The following PRPSAP2 variants were observed in gnomAD, a reference collection of about 807,000 sequenced individuals.
PRPSAP2 encodes the protein phosphoribosyl pyrophosphate synthase-associated protein 2.
A neutral mutation model predicts 40.6 loss-of-function variants in PRPSAP2; 24 were observed. The ratio of observed to expected loss-of-function variants is 0.59; its 90% CI spans 0.43 to 0.83. The LOEUF (loss-of-function observed/expected upper bound fraction) is 0.83, where lower values mean the gene tolerates loss of function less well. Ranked by LOEUF, PRPSAP2 falls within the 40% of genes least tolerant of loss-of-function variation. The pLI is 0.00. For synonymous variants in PRPSAP2, 149 were observed against 164.7 expected (o/e 0.90, Z 0.73); for missense variants, 292 against 465.6 (o/e 0.63, Z 3.43).
At position 18,911,399 on chromosome 17, in the gene PRPSAP2, A is replaced by G; in HGVS notation, c.733+148A>G. On this transcript the variant is annotated intron_variant, in intron 9 of 11. Coordinates refer to ENST00000268835, the MANE Select transcript of PRPSAP2 (RefSeq NM_002767.4). The surrounding 1 kb of genome is among the most constrained non-coding windows in gnomAD (Gnocchi z 4.5). ...TTCTTGGCCAGATAGTAGCGAATGC[A>G]TTTCTGATTACCTTGTAAATTGTAA... 3 of 973,560 alleles carry G rather than the reference A, an allele frequency of 3.1e-6. No homozygotes were observed. The highest frequency in any genetic ancestry group is 4.4e-6 in the Non-Finnish European group (3 of 682,136). The allele number at this position is 973,560 out of a possible 1,614,324, so 60.3% of individuals were successfully genotyped here. A position where few individuals can be genotyped will look rare whatever the true frequency, so the allele number is the denominator to read the frequency against.
intron 10 of PRPSAP2, among the ~76,000 whole-genome samples, chr17:18,926,265 TTATTTCTA>T (rs1337622220): frequency 4.8e-4 from 71 of 148,524 alleles, no homozygotes; most frequent in Admixed American, 2.8e-3. Context: ...ATTTATTTAT[TTATTTCTA>T]TTTTTTTTTT....
intron 10 of PRPSAP2, chr17:18,928,570 G>A: frequency 2.0e-6 from 1 of 499,214 alleles, no homozygotes; most frequent in Non-Finnish European, 3.8e-6. Context: ...GGAGCCTGGA[G>A]TGTGGTGGGA....
At chr17:18,887,419 G>T (rs1442248865) in intron 7 of PRPSAP2, among the ~76,000 whole-genome samples, 1 of 151,804 alleles carries the variant, frequency 6.6e-6, no homozygotes, top group African/African-American at 2.4e-5. Context: ...TGCATTTTTA[G>T]CAGCGAGGGG....
chr17:18,923,544 G>C (rs2041815968), intron 9 of PRPSAP2, among the ~76,000 whole-genome samples: 2 of 152,252 alleles, frequency 1.3e-5, no homozygotes, highest in African/African-American at 2.4e-5. Context: ...GTGGATTCTT[G>C]GGTATTTTCA....
intron 10 of PRPSAP2, 123 bp from the exon 11 acceptor site, chr17:18,928,688 A>G (rs1209215282): frequency 6.0e-6 from 8 of 1,336,018 alleles, no homozygotes; most frequent in Non-Finnish European, 8.3e-6. Context: ...CCGTCTGCAC[A>G]AGGCCAAGTG....
chr17:18,870,567 T>C (rs1222238824), intron 4 of PRPSAP2, among the ~76,000 whole-genome samples: 1 of 151,934 alleles, frequency 6.6e-6, no homozygotes, highest in African/African-American at 2.4e-5. Flanking sequence ...CAGCACTTTG[T>C]GGGGGTCAAG....
intron 5 of PRPSAP2, among the ~76,000 whole-genome samples, chr17:18,873,789 T>C (rs2038074748): frequency 1.3e-5 from 2 of 152,214 alleles, no homozygotes; most frequent in Non-Finnish European, 2.9e-5. Context: ...ACACCTGTGT[T>C]CTGGAAATTG....
intron 7 of PRPSAP2, among the ~76,000 whole-genome samples, chr17:18,886,046 G>A (rs1197461217): frequency 1.3e-5 from 2 of 152,046 alleles, no homozygotes; most frequent in Non-Finnish European, 2.9e-5. Context: ...TATAGTATAC[G>A]TATCTTGTCT....
chr17:18,882,666 C>T lies in PRPSAP2; in HGVS notation c.511C>T (p.Gln171Ter). The change falls in exon 7 of 12, where the codon CAG (glutamine) becomes TAG (stop). Residue 171 changes from glutamine (Q) to a stop codon, truncating the protein, a stop_gained. Transcript: ENST00000268835. LOFTEE classifies it high-confidence loss of function. Reference sequence around the variant, plus strand: ...TTTAAGAGCATCTCCCTTCTTATTACAGTATATTCAAGAAGAGGTGAGCTA... The same window carrying T: ...TTTAAGAGCATCTCCCTTCTTATTATAGTATATTCAAGAAGAGGTGAGCTA... The part of the protein sequence containing the change: ...DNLRASPFLL[Q>*]YIQEEIPDYR... 1 of 1,583,468 alleles carries T rather than the reference C, an allele frequency of 6.3e-7. No individual in the cohort carries two copies.
Position 18,911,370 on chromosome 17 carries a change from A to G in PRPSAP2, c.733+119A>G. 8.1e-7 allele frequency: 1 copy of G among 1,234,768 alleles called. No individual in the cohort carries two copies. The highest frequency in any genetic ancestry group is 1.1e-6 in the Non-Finnish European group (1 of 914,676). 76.5% of individuals were successfully genotyped at this position (1,234,768 alleles called of 1,614,324 possible). ...TTTTAGTTGGCAAAAACTCATTAAC[A>G]CCTTTCTTGGCCAGATAGTAGCGAA... is the stretch of plus-strand genomic sequence containing the variant. On this transcript the variant is annotated intron_variant, in intron 9 of 11. Coordinates refer to ENST00000268835, the MANE Select transcript of PRPSAP2 (RefSeq NM_002767.4). The surrounding 1 kb of genome is among the most constrained non-coding windows in gnomAD (Gnocchi z 4.5).
rs565362794 is a variant in PRPSAP2, at chr17:18,884,468, T to C, written c.528+1785T>C. ...ATTTCTCCCACCTCAGCCTTCTGAG[T>C]AGCTGAGACTAGAGGTGTGCCACCA... On this transcript the variant is annotated intron_variant, in intron 7 of 11. Coordinates refer to ENST00000268835, the MANE Select transcript of PRPSAP2 (RefSeq NM_002767.4). 5.6e-3 allele frequency among the ~76,000 whole-genome samples: 846 copies of C among 152,146 alleles called. 3 individuals are homozygous for C. The highest frequency in any genetic ancestry group is 0.017 in the Middle Eastern group (5 of 294).
chr17:18,862,794 T>TATTTATTC (rs1171079864), intron 1 of PRPSAP2, among the ~76,000 whole-genome samples: 294 of 122,058 alleles, frequency 2.4e-3, no homozygotes, highest in Middle Eastern at 4.5e-3. Context: ...AACACCCTTT[T>TATTTATTC]ATTTATTTAT....
rs567740760 is a variant in PRPSAP2, at chr17:18,892,505, T to G, written c.584+2628T>G. On this transcript the variant is annotated intron_variant, in intron 8 of 11. Coordinates refer to ENST00000268835, the MANE Select transcript of PRPSAP2 (RefSeq NM_002767.4). The stretch of plus-strand genomic sequence containing the variant: ...CACCAACACTTAATTCTCTGAGTTT[T>G]TTCATTATAATCATCCTAGTGGGTG... Among the ~76,000 whole-genome samples the G allele has an allele frequency of 9.9e-5, 15 of 152,198 alleles. No homozygotes were observed. In the South Asian group the frequency reaches 2.7e-3, roughly 27 times the overall value.
intron 4 of PRPSAP2, 130 bp from the exon 5 acceptor site, chr17:18,872,453 C>A: frequency 3.0e-6 from 2 of 677,460 alleles, no homozygotes; most frequent in Non-Finnish European, 5.2e-6. Flanking sequence ...ACATCTAAAG[C>A]CTACTGAGTC....
intron 8 of PRPSAP2, among the ~76,000 whole-genome samples, chr17:18,893,867 A>G (rs113666664): frequency 0.086 from 13,019 of 152,044 alleles, 649 homozygotes; most frequent in African/African-American, 0.13. Context: ...CCCAGCCACC[A>G]TAGCTTTTTA....
intron 5 of PRPSAP2, among the ~76,000 whole-genome samples, chr17:18,874,688 G>C (rs1232940048): frequency 1.3e-5 from 2 of 152,208 alleles, no homozygotes; most frequent in African/African-American, 4.8e-5. Context: ...CTGGAGGTGG[G>C]GGCACGGAGC....
intron 7 of PRPSAP2, among the ~76,000 whole-genome samples, chr17:18,884,203 G>T (rs1017105643): frequency 3.9e-5 from 6 of 152,048 alleles, no homozygotes; most frequent in Admixed American, 3.9e-4. Flanking sequence ...GGAGGTGGAG[G>T]TTACAGTGAG....
At chr17:18,895,273 T>A (rs1385107914) in intron 8 of PRPSAP2, among the ~76,000 whole-genome samples, 1 of 151,422 alleles carries the variant, frequency 6.6e-6, no homozygotes, top group Non-Finnish European at 1.5e-5. Flanking sequence ...ATATATATAT[T>A]TTTTGTTAGA....
intron 5 of PRPSAP2, among the ~76,000 whole-genome samples, chr17:18,873,524 T>C (rs1567679828): frequency 6.6e-6 from 1 of 152,250 alleles, no homozygotes; most frequent in East Asian, 1.9e-4. Flanking sequence ...AGGCTGTTAA[T>C]GATAATAGTA....
Sources: gnomAD v4.1 joint callset for allele counts (sites outside exome capture counted in the v4.1 genomes callset) on GRCh38, gnomAD v4.1.1 for gene constraint, Gnocchi (gnomAD v3.1) non-coding constraint, MANE v1.5 for transcripts, NCBI Gene and HGNC (gene_info 2026-07-23, HGNC 2026-07-21) for gene names.